Variants in PCDH11Y observed in about 807,000 individuals in gnomAD.
The protein encoded by PCDH11Y is protocadherin 11 Y-linked, also known as protocadherin-11 Y-linked.
For synonymous variants in PCDH11Y, 9 were observed against 83.6 expected (o/e 0.11, Z 4.87); for missense variants, 12 against 224.8 (o/e 0.05, Z 6.05).
At chrY:5,672,213 C>CGTGT (rs765882875) in intron 4 of PCDH11Y, among the ~76,000 whole-genome samples, 23 of 30,200 alleles carry the variant, frequency 7.6e-4, no homozygotes, top group African/African-American at 2.7e-3. Flanking sequence ...CTGCAATTTT[C>CGTGT]GTGTGTGTGT....
At chrY:5,496,456 T>C in intron 2 of PCDH11Y, among the ~76,000 whole-genome samples, 1 of 32,801 alleles carries the variant, frequency 3.0e-5, no homozygotes, top group Admixed American at 2.8e-4. Flanking sequence ...TGTCTATGGC[T>C]GTTTTTACAC....
chrY:5,654,286 T>C, intron 4 of PCDH11Y, among the ~76,000 whole-genome samples: 1 of 33,650 alleles, frequency 3.0e-5, no homozygotes, highest in Admixed American at 2.7e-4. Flanking sequence ...TTGGTTGCAA[T>C]GTAAATTAGC....
intron 4 of PCDH11Y, among the ~76,000 whole-genome samples, chrY:5,589,011 G>A: frequency 3.0e-5 from 1 of 32,949 alleles, no homozygotes; most frequent in South Asian, 6.8e-4. Flanking sequence ...TCTAGATTCT[G>A]TAGTTGTATG....
At chrY:5,288,205 G>A in intron 2 of PCDH11Y, among the ~76,000 whole-genome samples, 1 of 33,516 alleles carries the variant, frequency 3.0e-5, no homozygotes, top group African/African-American at 1.2e-4. Context: ...GTTATTTGGA[G>A]GTGAGAAAAC....
chrY:5,485,122 A>G (rs2053330442), intron 2 of PCDH11Y, among the ~76,000 whole-genome samples: 2 of 33,444 alleles, frequency 6.0e-5, no homozygotes. Flanking sequence ...CCTTCACTGC[A>G]TTAGATTTCA....
chrY:5,312,544 T>TATATATATAAGAA (rs2053102509), intron 2 of PCDH11Y, among the ~76,000 whole-genome samples: 23 of 26,800 alleles, frequency 8.6e-4, no homozygotes, highest in Admixed American at 1.7e-3. Flanking sequence ...ATATATAAGA[T>TATATATATAAGAA]ATATATATAA....
chrY:5,346,248 T>A (rs2124669746), intron 2 of PCDH11Y, among the ~76,000 whole-genome samples: 1 of 33,277 alleles, frequency 3.0e-5, no homozygotes, highest in African/African-American at 1.2e-4. Context: ...TTATTTATTT[T>A]TTGAGATGGA....
At chrY:5,179,448 G>A (rs2052897597) in intron 2 of PCDH11Y, among the ~76,000 whole-genome samples, 1 of 33,391 alleles carries the variant, frequency 3.0e-5, no homozygotes, top group Non-Finnish European at 7.4e-5. Flanking sequence ...GTCTGTTAAT[G>A]TCCTTTGCTT....
chrY:5,371,415 G>A, intron 2 of PCDH11Y, among the ~76,000 whole-genome samples: 1 of 33,645 alleles, frequency 3.0e-5, no homozygotes, highest in African/African-American at 1.2e-4. Context: ...TTAAGCATTT[G>A]GGGGTTGACT....
At chrY:5,051,951 T>A, upstream of PCDH11Y, among the ~76,000 whole-genome samples, 1 of 32,297 alleles carries the variant, frequency 3.1e-5, no homozygotes, top group African/African-American at 1.2e-4. Flanking sequence ...AATACTAGGT[T>A]TATCGGTTGC....
chrY:5,514,382 A>G, intron 3 of PCDH11Y, among the ~76,000 whole-genome samples: 4 of 32,194 alleles, frequency 1.2e-4, no homozygotes, highest in Non-Finnish European at 3.0e-4. Context: ...ATAGTTTCAC[A>G]TCTTACAATA....
At chrY:5,153,868 T>C in intron 2 of PCDH11Y, among the ~76,000 whole-genome samples, 1 of 27,291 alleles carries the variant, frequency 3.7e-5, no homozygotes, top group Non-Finnish European at 8.5e-5. Flanking sequence ...AAATCATCTC[T>C]CCTAAGACAC....
At chrY:5,238,164 T>A (rs371447190) in intron 2 of PCDH11Y, among the ~76,000 whole-genome samples, 387 of 33,214 alleles carry the variant, frequency 0.012, no homozygotes, top group South Asian at 0.081. Flanking sequence ...ACTACCTGAC[T>A]TCAAACTATA....
intron 2 of PCDH11Y, among the ~76,000 whole-genome samples, chrY:5,280,175 G>C: frequency 3.1e-5 from 1 of 32,182 alleles, no homozygotes; most frequent in South Asian, 7.2e-4. Flanking sequence ...ACATGTGCAG[G>C]TTTGTAACAT....
intron 3 of PCDH11Y, among the ~76,000 whole-genome samples, chrY:5,552,689 A>T: frequency 3.0e-5 from 1 of 33,414 alleles, no homozygotes; most frequent in African/African-American, 1.2e-4. Context: ...GATTGAGTTT[A>T]TAAATCAAAA....
At chrY:5,059,182 T>G in intron 1 of PCDH11Y, among the ~76,000 whole-genome samples, 1 of 32,683 alleles carries the variant, frequency 3.1e-5, no homozygotes, top group Non-Finnish European at 7.5e-5. Context: ...AAAGCAACAC[T>G]TCACAACAGA....
intron 2 of PCDH11Y, among the ~76,000 whole-genome samples, chrY:5,129,476 C>CAGAGAG (rs1280522069): frequency 9.6e-5 from 1 of 10,398 alleles, no homozygotes; most frequent in Non-Finnish European, 1.5e-4. Context: ...CACACACACA[C>CAGAGAG]ACAGAGAGAG....
intron 4 of PCDH11Y, among the ~76,000 whole-genome samples, chrY:5,638,637 TATC>T: frequency 3.2e-5 from 1 of 31,023 alleles, no homozygotes; most frequent in Non-Finnish European, 7.8e-5. Flanking sequence ...ATTAAATTAA[TATC>T]ATTCTGGCAA....
At chrY:5,569,758 A>G (rs2053437944) in intron 3 of PCDH11Y, among the ~76,000 whole-genome samples, 1 of 33,316 alleles carries the variant, frequency 3.0e-5, no homozygotes. Context: ...ATTTCAGTCA[A>G]ATTCTTAGCA....
Sources: gnomAD v4.1 joint callset for allele counts (sites outside exome capture counted in the v4.1 genomes callset) on GRCh38, gnomAD v4.1.1 for gene constraint, MANE v1.5 for transcripts, NCBI Gene and HGNC (gene_info 2026-07-23, HGNC 2026-07-21) for gene names.